The following DRC11 variants were observed in gnomAD, a reference collection of about 807,000 sequenced individuals.
DRC11 encodes dynein regulatory complex subunit 11.
At chr2:236,405,891 C>A in the DRC11 span, among the ~76,000 whole-genome samples, 1 of 152,092 alleles carries the variant, frequency 6.6e-6, no homozygotes, top group South Asian at 2.1e-4. The surrounding 1 kb of genome is among the most constrained non-coding windows in gnomAD (Gnocchi z 4.6). Context: ...ATTCACACTG[C>A]GAAGAATGGT....
chr2:236,390,159 A>T, the DRC11 span, among the ~76,000 whole-genome samples: 1 of 152,134 alleles, frequency 6.6e-6, no homozygotes, highest in Non-Finnish European at 1.5e-5. The surrounding 1 kb of genome is among the most constrained non-coding windows in gnomAD (Gnocchi z 5.9). Context: ...AGGTGCTTTG[A>T]TTAAAGGTGT....
the DRC11 span, among the ~76,000 whole-genome samples, chr2:236,418,374 T>A: frequency 7.9e-5 from 12 of 152,346 alleles, no homozygotes; most frequent in Non-Finnish European, 1.3e-4. Context: ...CATAAATGTC[T>A]TTAAGAATCC....
the DRC11 span, among the ~76,000 whole-genome samples, chr2:236,357,241 ATATAG>A: frequency 8.6e-3 from 990 of 114,468 alleles, 31 homozygotes; most frequent in East Asian, 0.11. Context: ...ATGTATATTC[ATATAG>A]TATATATCTA....
the DRC11 span, among the ~76,000 whole-genome samples, chr2:236,490,711 G>A: frequency 5.3e-5 from 8 of 152,018 alleles, no homozygotes; most frequent in Non-Finnish European, 1.0e-4. This position sits in a 1 kb window ranked among gnomAD's most constrained non-coding sequence, Gnocchi z 5.5. Flanking sequence ...AGCATTTAAG[G>A]AGGCCCACAG....
chr2:236,383,252 C>G, the DRC11 span, among the ~76,000 whole-genome samples: 1 of 152,252 alleles, frequency 6.6e-6, no homozygotes, highest in South Asian at 2.1e-4. Flanking sequence ...TTGTTCATAA[C>G]AGTCTCTTAT....
the DRC11 span, among the ~76,000 whole-genome samples, chr2:236,397,829 T>C: frequency 1.3e-5 from 2 of 152,230 alleles, no homozygotes; most frequent in African/African-American, 4.8e-5. This position sits in a 1 kb window ranked among gnomAD's most constrained non-coding sequence, Gnocchi z 5.0. Context: ...ACTCAGTTTA[T>C]GCCACTATCT....
the DRC11 span, among the ~76,000 whole-genome samples, chr2:236,474,038 T>C: frequency 6.6e-6 from 1 of 152,146 alleles, no homozygotes; most frequent in East Asian, 1.9e-4. Context: ...AGTGATATAG[T>C]GGAAAATATA....
chr2:236,310,473 G>C, the DRC11 span, among the ~76,000 whole-genome samples: 1 of 152,148 alleles, frequency 6.6e-6, no homozygotes, highest in African/African-American at 2.4e-5. This position sits in a 1 kb window ranked among gnomAD's most constrained non-coding sequence, Gnocchi z 5.5. Context: ...CCTTTCCCCT[G>C]TGTATGTGTG....
the DRC11 span, among the ~76,000 whole-genome samples, chr2:236,350,521 C>T: frequency 1.3e-5 from 2 of 152,256 alleles, no homozygotes; most frequent in Admixed American, 6.5e-5. This position sits in a 1 kb window ranked among gnomAD's most constrained non-coding sequence, Gnocchi z 5.2. Context: ...ACACATGCTC[C>T]ATGTGTGCCA....
At chr2:236,484,679 G>A in the DRC11 span, among the ~76,000 whole-genome samples, 1 of 151,878 alleles carries the variant, frequency 6.6e-6, no homozygotes, top group African/African-American at 2.4e-5. Flanking sequence ...GAGACAAACT[G>A]AACTTAGAAA....
At chr2:236,447,209 C>T in the DRC11 span, among the ~76,000 whole-genome samples, 1 of 151,610 alleles carries the variant, frequency 6.6e-6, no homozygotes, top group Non-Finnish European at 1.5e-5. The surrounding 1 kb of genome is among the most constrained non-coding windows in gnomAD (Gnocchi z 4.6). Flanking sequence ...TAGTCACATG[C>T]AGACGTCCAA....
chr2:236,426,231 T>C, the DRC11 span, among the ~76,000 whole-genome samples: 1 of 152,048 alleles, frequency 6.6e-6, no homozygotes, highest in Non-Finnish European at 1.5e-5. The surrounding 1 kb of genome is among the most constrained non-coding windows in gnomAD (Gnocchi z 4.1). Context: ...GGGTAATATG[T>C]TCATTTTTAC....
the DRC11 span, among the ~76,000 whole-genome samples, chr2:236,429,074 A>G: frequency 2.0e-5 from 3 of 152,234 alleles, no homozygotes; most frequent in Non-Finnish European, 2.9e-5. This position sits in a 1 kb window ranked among gnomAD's most constrained non-coding sequence, Gnocchi z 5.9. Context: ...GGCTTTGGTA[A>G]GGAAAGACCT....
the DRC11 span, among the ~76,000 whole-genome samples, chr2:236,378,776 A>G: frequency 0.013 from 1,940 of 151,942 alleles, 82 homozygotes; most frequent in Admixed American, 0.093. Context: ...CTGCCCCCCA[A>G]ATCTGCCCCA....
At chr2:236,331,732 A>G in the DRC11 span, 3 of 670,900 alleles carry the variant, frequency 4.5e-6, no homozygotes, top group Non-Finnish European at 7.6e-6. The surrounding 1 kb of genome is among the most constrained non-coding windows in gnomAD (Gnocchi z 4.8). Flanking sequence ...TTGTAACTCA[A>G]ATGAACCGAA....
the DRC11 span, among the ~76,000 whole-genome samples, chr2:236,341,076 T>C: frequency 6.6e-6 from 1 of 152,216 alleles, no homozygotes; most frequent in Non-Finnish European, 1.5e-5. Context: ...TGTATTACTT[T>C]GGGCAATTTC....
At chr2:236,397,822 C>T in the DRC11 span, among the ~76,000 whole-genome samples, 1 of 152,342 alleles carries the variant, frequency 6.6e-6, no homozygotes, top group Admixed American at 6.5e-5. The surrounding 1 kb of genome is among the most constrained non-coding windows in gnomAD (Gnocchi z 5.0). Flanking sequence ...AGAAACTACT[C>T]AGTTTATGCC....
chr2:236,343,284 C>T, the DRC11 span, among the ~76,000 whole-genome samples: 16 of 152,196 alleles, frequency 1.1e-4, no homozygotes, highest in Non-Finnish European at 1.6e-4. This position sits in a 1 kb window ranked among gnomAD's most constrained non-coding sequence, Gnocchi z 6.6. Flanking sequence ...GGAACATTCC[C>T]GTTCCCCTTG....
At chr2:236,400,485 T>A in the DRC11 span, among the ~76,000 whole-genome samples, 5 of 152,160 alleles carry the variant, frequency 3.3e-5, no homozygotes, top group Non-Finnish European at 5.9e-5. This position sits in a 1 kb window ranked among gnomAD's most constrained non-coding sequence, Gnocchi z 7.9. Flanking sequence ...CTGCAAACCC[T>A]CATGTGATGT....
Sources: allele counts gnomAD v4.1 joint callset (sites outside exome capture counted in the v4.1 genomes callset), GRCh38; gene constraint gnomAD v4.1.1; non-coding constraint Gnocchi (gnomAD v3.1); transcripts MANE v1.5; gene names NCBI Gene and HGNC (gene_info 2026-07-23, HGNC 2026-07-21).